The following NRXN3 variants were observed in gnomAD, a reference collection of about 807,000 sequenced individuals.
NRXN3 encodes the protein neurexin 3.
Under a neutral mutation model 137.6 loss-of-function variants are expected in NRXN3, and 32 were observed. The observed-to-expected ratio is 0.23, with a 90% CI of 0.18 to 0.31. NRXN3 has a LOEUF of 0.31. NRXN3 is among the 10% of genes least tolerant of loss of function. The probability of loss-of-function intolerance (pLI) is 1.00; values close to 1 mark genes in which losing one functional copy is unlikely to be tolerated. For synonymous variants in NRXN3, 798 were observed against 784.5 expected (o/e 1.02, Z -0.29); for missense variants, 1,574 against 2,062.5 (o/e 0.76, Z 4.59).
chr14:78,659,583 G>A (rs149939237), intron 6 of NRXN3, among the ~76,000 whole-genome samples: 28 of 152,146 alleles, frequency 1.8e-4, no homozygotes, highest in African/African-American at 5.8e-4. Flanking sequence ...TTTGGAGGGA[G>A]GTGGGAGGAT....
intron 16 of NRXN3, among the ~76,000 whole-genome samples, chr14:79,606,284 A>G (rs2098015414): frequency 6.6e-6 from 1 of 152,236 alleles, no homozygotes; most frequent in Non-Finnish European, 1.5e-5. Context: ...AAATAAATAA[A>G]GCAGATAAAC....
At chr14:78,446,538 G>A (rs2094425718) in intron 4 of NRXN3, among the ~76,000 whole-genome samples, 2 of 152,250 alleles carry the variant, frequency 1.3e-5, no homozygotes, top group South Asian at 4.2e-4. Context: ...TCTAGGCCAG[G>A]ACCTGGCACA....
chr14:79,128,115 T>C (rs1466861721), intron 15 of NRXN3, among the ~76,000 whole-genome samples: 1 of 149,052 alleles, frequency 6.7e-6, no homozygotes, highest in Non-Finnish European at 1.5e-5. Context: ...AATCATGTCA[T>C]CTGCAAACAG....
chr14:79,533,089 C>CTTATAT (rs869269476), intron 16 of NRXN3, among the ~76,000 whole-genome samples: 1 of 1,032 alleles, frequency 9.7e-4, no homozygotes, highest in African/African-American at 5.3e-3. Flanking sequence ...TTAATAATTT[C>CTTATAT]TTATCAAGTG....
chr14:78,683,566 G>A (rs1265064834), intron 6 of NRXN3, among the ~76,000 whole-genome samples: 1 of 152,208 alleles, frequency 6.6e-6, no homozygotes, highest in Non-Finnish European at 1.5e-5. Context: ...GTGAAAATAA[G>A]TAAATACAGA....
At position 79,462,605 on chromosome 14, in the gene NRXN3, C is replaced by CTA. The variant is rs893112015; in HGVS notation, c.3263-4603_3263-4602dup. On this transcript the variant is annotated intron_variant, in intron 15 of 20. Coordinates refer to ENST00000335750, the MANE Select transcript of NRXN3 (RefSeq NM_001330195.2). Reference sequence around the variant, plus strand: ...AACGATAGATCACTCACTTAATTAGCTATATATATATATACACACACATAC... The same window carrying CTA: ...AACGATAGATCACTCACTTAATTAGCTATATATATATATATACACACACATAC... 1.3e-3 allele frequency among the ~76,000 whole-genome samples: 197 copies of CTA among 147,980 alleles called. 1 individual carries two copies. The highest frequency in any genetic ancestry group is 3.8e-3 in the African/African-American group (152 of 40,502).
chr14:78,671,208 G>A (rs1602203379), intron 6 of NRXN3, among the ~76,000 whole-genome samples: 1 of 152,304 alleles, frequency 6.6e-6, no homozygotes, highest in East Asian at 1.9e-4. Flanking sequence ...CAGTGCCAAA[G>A]AGAGGACCAA....
rs565222425 is a variant in NRXN3, at chr14:79,143,769, T to C, written c.3262+155628T>C. ...TTTGGTTAGCTTTCAAAAAGTAATA[T>C]TTTTTCTCCCTGTGTGATTATTTAT... On this transcript the variant is annotated intron_variant, in intron 15 of 20. Transcript: ENST00000335750. 1.5e-3 allele frequency among the ~76,000 whole-genome samples: 226 copies of C among 152,310 alleles called. 2 individuals carry two copies. The highest frequency in any genetic ancestry group is 5.3e-3 in the African/African-American group (219 of 41,572).
chr14:79,580,726 T>A (rs964663800), intron 16 of NRXN3, among the ~76,000 whole-genome samples: 1 of 152,168 alleles, frequency 6.6e-6, no homozygotes, highest in African/African-American at 2.4e-5. Flanking sequence ...GTTCTGCTTT[T>A]GTTATTCTGC....
At chr14:78,897,618 T>A (rs948662841) in intron 10 of NRXN3, among the ~76,000 whole-genome samples, 2 of 151,844 alleles carry the variant, frequency 1.3e-5, no homozygotes, top group Non-Finnish European at 2.9e-5. Context: ...CTCAAACGTT[T>A]TTGGCAGTCC....
At chr14:79,516,467 G>A (rs2096985827) in intron 16 of NRXN3, among the ~76,000 whole-genome samples, 1 of 152,182 alleles carries the variant, frequency 6.6e-6, no homozygotes, top group Non-Finnish European at 1.5e-5. Context: ...GACACTGGAT[G>A]CACAGATGTG....
At chr14:79,721,278 G>T (rs933574231) in intron 19 of NRXN3, among the ~76,000 whole-genome samples, 4 of 152,044 alleles carry the variant, frequency 2.6e-5, no homozygotes, top group African/African-American at 9.7e-5. Context: ...AATCATGCTT[G>T]CCATTCCTTC....
intron 19 of NRXN3, among the ~76,000 whole-genome samples, chr14:79,711,624 C>A (rs1259153864): frequency 6.6e-6 from 1 of 152,138 alleles, no homozygotes; most frequent in African/African-American, 2.4e-5. Flanking sequence ...AGTAATACAG[C>A]CACACAATTT....
Position 79,049,098 on chromosome 14 carries a change from T to TAATAATAATAATTAATAATAATAC in NRXN3, c.3262+60957_3262+60958insAATAATAATAATTAATAATAATAC, listed in dbSNP as rs1272827423. On this transcript the variant is annotated intron_variant, in intron 15 of 20. Transcript: ENST00000335750. ...AATAATAATAATAATAATAATAATA[T>TAATAATAATAATTAATAATAATAC]GATGGGGTGTGCTGCATTGACTGAT... Among the ~76,000 whole-genome samples the TAATAATAATAATTAATAATAATAC allele has an allele frequency of 2.7e-4, 28 of 102,310 alleles. 2 individuals carry two copies. Among genetic ancestry groups the TAATAATAATAATTAATAATAATAC allele is most frequent in the African/African-American group, 5.8e-4 (14 of 24,124 alleles). 67.1% of individuals were successfully genotyped at this position (102,310 alleles called of 152,430 possible).
intron 15 of NRXN3, among the ~76,000 whole-genome samples, chr14:79,246,002 T>C (rs1180388152): frequency 6.6e-6 from 1 of 152,186 alleles, no homozygotes; most frequent in Non-Finnish European, 1.5e-5. Context: ...GTGATGGCTC[T>C]GCCTCTGAAA....
intron 8 of NRXN3, among the ~76,000 whole-genome samples, chr14:78,748,915 C>T (rs1487756587): frequency 6.6e-6 from 1 of 152,144 alleles, no homozygotes; most frequent in Non-Finnish European, 1.5e-5. Flanking sequence ...GCAGTAGAAC[C>T]AAATCCAGGA....
intron 2 of NRXN3, among the ~76,000 whole-genome samples, chr14:78,275,598 C>T (rs895758111): frequency 6.6e-6 from 1 of 152,142 alleles, no homozygotes; most frequent in African/African-American, 2.4e-5. Flanking sequence ...TGAAAGCACC[C>T]CATTTCCTGA....
At chr14:79,124,977 T>C (rs1335541530) in intron 15 of NRXN3, among the ~76,000 whole-genome samples, 1 of 152,220 alleles carries the variant, frequency 6.6e-6, no homozygotes, top group Non-Finnish European at 1.5e-5. Context: ...AAGAAAACAC[T>C]GCAGTTCAGG....
Position 79,429,224 on chromosome 14 carries a change from G to A in NRXN3, c.3263-37997G>A, listed in dbSNP as rs546418835. Among the ~76,000 whole-genome samples the A allele has an allele frequency of 6.6e-5, 10 of 152,118 alleles. No homozygotes were observed. In the East Asian group the frequency reaches 1.3e-3, roughly 21 times the overall value. ...GATGGTGTTTTTGAGAAATCGATTC[G>A]TGTATAGTACCAGTCCAGACAAATG... On this transcript the variant is annotated intron_variant, in intron 15 of 20. Coordinates refer to ENST00000335750, the MANE Select transcript of NRXN3 (RefSeq NM_001330195.2).
Sources: allele counts gnomAD v4.1 joint callset (sites outside exome capture counted in the v4.1 genomes callset), GRCh38; gene constraint gnomAD v4.1.1; transcripts MANE v1.5; gene names NCBI Gene and HGNC (gene_info 2026-07-23, HGNC 2026-07-21).